Variants in MAF observed in about 807,000 individuals in gnomAD.
MAF encodes MAF bZIP transcription factor, also known as transcription factor Maf.
Under a neutral mutation model 22.0 loss-of-function variants are expected in MAF, and 10 were observed. The ratio of observed to expected loss-of-function variants is 0.45; its 90% CI spans 0.28 to 0.77. The LOEUF is 0.77. Ranked by LOEUF, MAF falls within the 30% of genes least tolerant of loss-of-function variation. The pLI is 0.12. For missense variants in MAF, 544 were observed against 548.4 expected, an observed-to-expected ratio of 0.99 and a Z score of 0.08; for synonymous variants, 337 against 255.8, an observed-to-expected ratio of 1.32 and a Z score of -3.03.
chr16:79,453,003 C>T, the MAF span, among the ~76,000 whole-genome samples: 1 of 152,186 alleles, frequency 6.6e-6, no homozygotes. Flanking sequence ...ATAATGAGAG[C>T]TCACTGTATT....
At chr16:79,501,551 T>A in the MAF span, among the ~76,000 whole-genome samples, 1 of 150,922 alleles carries the variant, frequency 6.6e-6, no homozygotes, top group Non-Finnish European at 1.5e-5. Context: ...ATTCAAAGTC[T>A]AAGTTAATTT....
the MAF span, among the ~76,000 whole-genome samples, chr16:79,528,619 G>A: frequency 1.3e-5 from 2 of 149,990 alleles, no homozygotes; most frequent in East Asian, 2.0e-4. Flanking sequence ...ATAAAACACA[G>A]TTTGACTTAA....
At chr16:79,312,428 C>T in the MAF span, among the ~76,000 whole-genome samples, 1,256 of 152,216 alleles carry the variant, frequency 8.3e-3, 11 homozygotes, top group Non-Finnish European at 0.015. Flanking sequence ...AGCTGACCTC[C>T]ATACATGCAT....
the MAF span, among the ~76,000 whole-genome samples, chr16:79,458,499 A>G: frequency 4.6e-5 from 7 of 152,228 alleles, no homozygotes; most frequent in African/African-American, 1.7e-4. Flanking sequence ...CAATGAGGTG[A>G]AAAACAAGTT....
chr16:79,452,266 C>T, the MAF span, among the ~76,000 whole-genome samples: 1 of 152,220 alleles, frequency 6.6e-6, no homozygotes, highest in African/African-American at 2.4e-5. Flanking sequence ...AAGCTATTAA[C>T]ATAGGTTAAA....
chr16:79,219,289 T>G, the MAF span, among the ~76,000 whole-genome samples: 1 of 152,176 alleles, frequency 6.6e-6, no homozygotes, highest in African/African-American at 2.4e-5. Flanking sequence ...ATGCTGGGCA[T>G]TCCCTGAGGG....
the MAF span, among the ~76,000 whole-genome samples, chr16:79,230,464 G>T: frequency 6.6e-6 from 1 of 152,132 alleles, no homozygotes; most frequent in South Asian, 2.1e-4. Flanking sequence ...CCGGGTGGGC[G>T]GTCTTGAGCA....
rs990716506 is a variant in MAF at position 79,594,300 on chromosome 16, G to C, written c.*160C>G. The C allele has an allele frequency of 2.8e-6, 2 of 707,734 alleles. No individual in the cohort carries two copies. Among genetic ancestry groups the C allele is most frequent in the African/African-American group, 3.6e-5 (2 of 56,292 alleles). The allele number at this position is 707,734 out of a possible 1,614,324, so 43.8% of individuals were successfully genotyped here. On this transcript the variant is annotated 3_prime_UTR_variant, in exon 2 of 2. Coordinates refer to ENST00000326043, the MANE Select transcript of MAF (RefSeq NM_005360.5). ...CGGTCTCTATGAAACCCCCAGACAAGAGGCATAGTTAACTACTACATTTAA... is the reference window on the plus strand; with the variant it reads ...CGGTCTCTATGAAACCCCCAGACAACAGGCATAGTTAACTACTACATTTAA...
chr16:79,433,880 G>A, the MAF span, among the ~76,000 whole-genome samples: 93 of 152,294 alleles, frequency 6.1e-4, 1 homozygote, highest in Middle Eastern at 3.4e-3. Context: ...TGGTCCCCTC[G>A]CACTCCTACA....
At chr16:79,476,031 T>G in the MAF span, among the ~76,000 whole-genome samples, 138 of 152,204 alleles carry the variant, frequency 9.1e-4, 1 homozygote, top group Non-Finnish European at 1.5e-3. Flanking sequence ...GAGATGATCC[T>G]AGGTGGGCCT....
At chr16:79,273,479 G>C in the MAF span, among the ~76,000 whole-genome samples, 33,392 of 152,176 alleles carry the variant, frequency 0.22, 4,257 homozygotes, top group East Asian at 0.6. Context: ...AGTTCTAGAA[G>C]TCAGATGCAC....
chr16:79,412,008 C>T, the MAF span, among the ~76,000 whole-genome samples: 1 of 152,170 alleles, frequency 6.6e-6, no homozygotes, highest in Admixed American at 6.5e-5. Context: ...TAATGACTCA[C>T]TTTGTGCGAC....
the MAF span, among the ~76,000 whole-genome samples, chr16:79,340,630 A>C: frequency 1.3e-5 from 2 of 151,904 alleles, no homozygotes; most frequent in Non-Finnish European, 2.9e-5. Flanking sequence ...ACAACTTTAT[A>C]TGCAAATCCA....
chr16:79,365,396 T>C, the MAF span, among the ~76,000 whole-genome samples: 1 of 152,166 alleles, frequency 6.6e-6, no homozygotes, highest in Non-Finnish European at 1.5e-5. Context: ...TGAAAACAAA[T>C]ACAACGCTGC....
chr16:79,503,271 A>T, the MAF span, among the ~76,000 whole-genome samples: 1 of 152,162 alleles, frequency 6.6e-6, no homozygotes, highest in Non-Finnish European at 1.5e-5. Flanking sequence ...GAGTGTCTAC[A>T]CTGCTCCAGA....
the MAF span, among the ~76,000 whole-genome samples, chr16:79,464,016 T>C: frequency 2.0e-5 from 3 of 151,564 alleles, no homozygotes; most frequent in Non-Finnish European, 2.9e-5. Flanking sequence ...TGAGCTATGT[T>C]TGGACGGAGA....
the MAF span, among the ~76,000 whole-genome samples, chr16:79,249,349 G>A: frequency 6.6e-6 from 1 of 151,704 alleles, no homozygotes; most frequent in East Asian, 1.9e-4. Context: ...AATCTGGGAG[G>A]TGGAGGTTGT....
chr16:79,343,817 C>T, the MAF span, among the ~76,000 whole-genome samples: 3 of 152,120 alleles, frequency 2.0e-5, no homozygotes, highest in Admixed American at 1.3e-4. Context: ...GGTTTATTGA[C>T]TTGGTCTTCC....
At chr16:79,228,694 T>C in the MAF span, among the ~76,000 whole-genome samples, 1 of 152,012 alleles carries the variant, frequency 6.6e-6, no homozygotes, top group Non-Finnish European at 1.5e-5. Context: ...CCTATATTTG[T>C]TATGGTTGAA....
Sources: allele counts gnomAD v4.1 joint callset (sites outside exome capture counted in the v4.1 genomes callset), GRCh38; gene constraint gnomAD v4.1.1; transcripts MANE v1.5; gene names NCBI Gene and HGNC (gene_info 2026-07-23, HGNC 2026-07-21).